The following CEP63 variants were observed in gnomAD, a reference collection of about 807,000 sequenced individuals.
CEP63 encodes the protein centrosomal protein of 63 kDa.
CEP63 carries 84 observed loss-of-function variants against 89.1 expected under a neutral mutation model. The ratio of observed to expected loss-of-function variants is 0.94; its 90% CI spans 0.79 to 1.13. The LOEUF (loss-of-function observed/expected upper bound fraction) is 1.13. Among genes scored for constraint, CEP63 ranks in the 50% most tolerant of loss-of-function variants. The pLI, the probability that CEP63 is intolerant of heterozygous loss-of-function variation, is 0.00. For synonymous variants in CEP63, 267 were observed against 272.5 expected, an observed-to-expected ratio of 0.98 and a Z score of 0.20; for missense variants, 838 against 813.3, an observed-to-expected ratio of 1.03 and a Z score of -0.37.
the CEP63 span, among the ~76,000 whole-genome samples, chr3:134,646,233 C>T: frequency 1.3e-5 from 2 of 152,208 alleles, no homozygotes; most frequent in Non-Finnish European, 1.5e-5. Flanking sequence ...AGAGCTAAAG[C>T]TGGCATGTCT....
the CEP63 span, among the ~76,000 whole-genome samples, chr3:134,633,204 A>G: frequency 6.6e-6 from 1 of 152,098 alleles, no homozygotes; most frequent in Non-Finnish European, 1.5e-5. Context: ...TCAATTCTTC[A>G]TAGGATCTTT....
chr3:134,559,263 T>C lies in CEP63; in HGVS notation c.1787T>C (p.Leu596Pro). 6.2e-7 allele frequency: 1 copy of C among 1,614,198 alleles called. No homozygotes were observed. Among genetic ancestry groups the C allele is most frequent in the Non-Finnish European group, 8.5e-7 (1 of 1,180,026 alleles). The change falls in exon 14 of 15, where the codon CTA (leucine) becomes CCA (proline). Residue 596 changes from leucine to proline, a missense_variant. By Grantham distance (98) the Leu-to-Pro change is moderately conservative. Transcript: ENST00000675561. Reference protein sequence around the residue: ...SDSINPMSRVLSPLSPQISPC... With the variant: ...SDSINPMSRVPSPLSPQISPC... ...AGTATAAACCCCATGTCTAGGGTGCTAAGCCCCCTGAGTCCTCAAATCAGC... is the reference window on the plus strand; with the variant it reads ...AGTATAAACCCCATGTCTAGGGTGCCAAGCCCCCTGAGTCCTCAAATCAGC...
In CEP63 at chr3:134,561,366, G is replaced by A; in HGVS notation, c.1954-11G>A. On this transcript the variant is annotated splice_polypyrimidine_tract_variant and intron_variant, in intron 14 of 14. Transcript: ENST00000675561. ...CTTATTTACACATGTCAAAATTTGT[G>A]TCTCTTCCAGTGTTCCTTGCCTGTA... 6.2e-7 allele frequency: 1 copy of A among 1,611,908 alleles called. No individual in the cohort carries two copies. The highest frequency in any genetic ancestry group is 1.7e-5 in the Admixed American group (1 of 60,014).
At chr3:134,540,969 A>T (rs562096374) in intron 6 of CEP63, among the ~76,000 whole-genome samples, 103 of 151,978 alleles carry the variant, frequency 6.8e-4, no homozygotes, top group African/African-American at 2.4e-3. Flanking sequence ...TTCAGTAGAG[A>T]CAGGGTTTCA....
At chr3:134,607,258 T>C in the CEP63 span, 1 of 985,402 alleles carries the variant, frequency 1.0e-6, no homozygotes, top group Non-Finnish European at 1.2e-6. Flanking sequence ...CTGCCAGGTA[T>C]TTGGAGTTGG....
chr3:134,730,909 G>A, the CEP63 span, among the ~76,000 whole-genome samples: 11 of 152,044 alleles, frequency 7.2e-5, no homozygotes, highest in Non-Finnish European at 1.5e-4. Context: ...CTACATTGAA[G>A]TCAAAGGACA....
intron 3 of CEP63, among the ~76,000 whole-genome samples, chr3:134,520,964 G>C (rs574665414): frequency 5.4e-4 from 82 of 152,230 alleles, no homozygotes; most frequent in African/African-American, 1.9e-3. Flanking sequence ...TTGGAGTAGG[G>C]AAAGATTTCT....
chr3:134,726,821 T>C, the CEP63 span, among the ~76,000 whole-genome samples: 1 of 152,188 alleles, frequency 6.6e-6, no homozygotes, highest in African/African-American at 2.4e-5. Context: ...TTCCTGCGGC[T>C]CCTGTTGCTC....
the CEP63 span, among the ~76,000 whole-genome samples, chr3:134,625,982 G>A: frequency 2.0e-5 from 3 of 152,254 alleles, no homozygotes; most frequent in Non-Finnish European, 4.4e-5. Flanking sequence ...ATTGCTGGGA[G>A]GCTGCTGCAA....
At chr3:134,493,790 T>C (rs1375873924) in intron 1 of CEP63, among the ~76,000 whole-genome samples, 1 of 152,210 alleles carries the variant, frequency 6.6e-6, no homozygotes, top group Admixed American at 6.5e-5. Flanking sequence ...CATCACTATA[T>C]ATCTAGTTGT....
At chr3:134,703,326 A>G in the CEP63 span, among the ~76,000 whole-genome samples, 3 of 149,908 alleles carry the variant, frequency 2.0e-5, no homozygotes, top group South Asian at 4.2e-4. Context: ...AGATACATAC[A>G]TGTGTTTATT....
chr3:134,610,113 C>A, the CEP63 span: 1 of 1,466,898 alleles, frequency 6.8e-7, no homozygotes, highest in Non-Finnish European at 9.3e-7. Flanking sequence ...GCTTGGTCTT[C>A]TCCACCTGCT....
intron 2 of CEP63, among the ~76,000 whole-genome samples, chr3:134,503,184 C>T (rs1368543145): frequency 7.1e-6 from 1 of 140,678 alleles, no homozygotes; most frequent in Non-Finnish European, 1.5e-5. Flanking sequence ...ACTGCCTTTG[C>T]TGTATCCCAT....
chr3:134,674,075 G>T, the CEP63 span, among the ~76,000 whole-genome samples: 23 of 152,208 alleles, frequency 1.5e-4, no homozygotes, highest in Non-Finnish European at 2.9e-5. Context: ...GGATCAATGA[G>T]AACCTGACCC....
At chr3:134,743,883 A>T in the CEP63 span, among the ~76,000 whole-genome samples, 1 of 152,178 alleles carries the variant, frequency 6.6e-6, no homozygotes, top group Non-Finnish European at 1.5e-5. Flanking sequence ...TTCTAAGATA[A>T]GTCCCTGCAA....
the CEP63 span, among the ~76,000 whole-genome samples, chr3:134,697,453 G>A: frequency 7.1e-4 from 108 of 152,270 alleles, no homozygotes; most frequent in African/African-American, 2.4e-3. Context: ...AAACATGCAT[G>A]TAGATGGGCT....
chr3:134,603,394 C>A, the CEP63 span: 1 of 563,160 alleles, frequency 1.8e-6, no homozygotes, highest in Non-Finnish European at 3.1e-6. Context: ...CACAGCCACA[C>A]CTGAGTGAAG....
intron 1 of CEP63, among the ~76,000 whole-genome samples, chr3:134,489,220 G>C (rs146482097): frequency 1.3e-5 from 2 of 151,786 alleles, no homozygotes; most frequent in Non-Finnish European, 2.9e-5. Flanking sequence ...TCAAGTGCTC[G>C]GTAGCTACAG....
chr3:134,723,872 T>C, the CEP63 span, among the ~76,000 whole-genome samples: 1 of 152,308 alleles, frequency 6.6e-6, no homozygotes, highest in South Asian at 2.1e-4. Flanking sequence ...AAGACGCAGA[T>C]TTTAACAAAA....
Sources: gnomAD v4.1 joint callset for allele counts (sites outside exome capture counted in the v4.1 genomes callset) on GRCh38, gnomAD v4.1.1 for gene constraint, MANE v1.5 for transcripts, NCBI Gene and HGNC (gene_info 2026-07-23, HGNC 2026-07-21) for gene names.